CNTNAP3: variants seen among roughly 807,000 people sequenced by gnomAD.
The protein encoded by CNTNAP3 is contactin-associated protein-like 3.
In CNTNAP3, 36 loss-of-function variants were observed where a neutral mutation model predicts 92.1. The ratio of observed to expected loss-of-function variants is 0.39; its 90% CI spans 0.30 to 0.52. CNTNAP3 has a LOEUF of 0.52. Ranked by LOEUF, CNTNAP3 falls within the 20% of genes least tolerant of loss-of-function variation. CNTNAP3 has a pLI of 0.76. For missense variants in CNTNAP3, 534 were observed against 1,069.6 expected (o/e 0.50, Z 6.98); for synonymous variants, 232 against 422.3 (o/e 0.55, Z 5.53).
chr9:39,118,283 T>C lies in CNTNAP3; in HGVS notation c.2081-24A>G, dbSNP rs748933317. On this transcript the variant is annotated intron_variant, in intron 13 of 23. Transcript: ENST00000297668. ...ATCTGAAAGACAAGTATAAGAAACA[T>C]GACATCTACTTTGTCCCTCACTACC... 3.7e-6 allele frequency: 6 copies of C among 1,612,942 alleles called. No homozygotes were observed. In the South Asian group the frequency reaches 5.5e-5, roughly 15 times the overall value.
chr9:39,086,700 G>T lies in CNTNAP3; in HGVS notation c.3354+16C>A. On this transcript the variant is annotated intron_variant, in intron 20 of 23. Coordinates refer to ENST00000297668, the MANE Select transcript of CNTNAP3 (RefSeq NM_033655.5). Reference sequence around the variant, plus strand: ...AATAATATTAGTTAGTTTGACTTTTGCATTTGTGGGATTACCTCTACCATG... The same window carrying T: ...AATAATATTAGTTAGTTTGACTTTTTCATTTGTGGGATTACCTCTACCATG... The T allele has an allele frequency of 6.2e-7, 1 of 1,607,308 alleles. No homozygotes were observed. The highest frequency in any genetic ancestry group is 1.1e-5 in the South Asian group (1 of 89,908).
Position 39,133,009 on chromosome 9 carries a change from G to A in CNTNAP3, c.2003C>T (p.Ser668Phe). Residue 668 changes from serine to phenylalanine, a missense_variant, in exon 13 of 24, where the codon TCC (serine) becomes TTC (phenylalanine). Ser to Phe is a radical substitution (Grantham distance 155, BLOSUM62 -2). Transcript: ENST00000297668. ...AYAAGAGQLRSAVNLAERCEQ... is the reference protein window; with the variant it reads ...AYAAGAGQLRFAVNLAERCEQ... ...GCAGCGCTCCGCCAGGTTCACCGCG[G>A]ACCGCAGCTGCCCCGCGCCCGCTGC... 6.5e-7 allele frequency: 1 copy of A among 1,539,586 alleles called. No individual in the cohort carries two copies.
chr9:39,100,728 T>C (rs1031989268), intron 17 of CNTNAP3, among the ~76,000 whole-genome samples: 1 of 151,992 alleles, frequency 6.6e-6, no homozygotes, highest in Non-Finnish European at 1.5e-5. Flanking sequence ...GAGGGTACAG[T>C]GCTAAACAGT....
intron 18 of CNTNAP3, among the ~76,000 whole-genome samples, chr9:39,097,970 C>T (rs1376219164): frequency 6.7e-6 from 1 of 150,082 alleles, no homozygotes; most frequent in African/African-American, 2.5e-5. Context: ...TGCCAGAGTA[C>T]CAGGTTTTTT....
intron 21 of CNTNAP3, among the ~76,000 whole-genome samples, chr9:39,081,853 C>T (rs145379877): frequency 0.21 from 30,613 of 145,440 alleles, 3,444 homozygotes; most frequent in East Asian, 0.34. Flanking sequence ...CCGAGGTGGG[C>T]GGATGATGAG....
intron 9 of CNTNAP3, chr9:39,154,213 C>G (rs1821903514): frequency 4.3e-6 from 1 of 232,410 alleles, no homozygotes; most frequent in Non-Finnish European, 8.4e-6. Flanking sequence ...AAGTTAGAAA[C>G]AGTGCAGCTC....
At chr9:39,117,470 A>G (rs909980140) in intron 14 of CNTNAP3, among the ~76,000 whole-genome samples, 2 of 152,210 alleles carry the variant, frequency 1.3e-5, no homozygotes, top group African/African-American at 4.8e-5. Context: ...AGGCATTGCA[A>G]TCTACATGAG....
chr9:39,124,853 AAAC>A (rs1821119380), intron 13 of CNTNAP3, among the ~76,000 whole-genome samples: 1 of 152,160 alleles, frequency 6.6e-6, no homozygotes, highest in South Asian at 2.1e-4. Flanking sequence ...AAAAGTCAGG[AAAC>A]AACAGGTGCA....
rs1174219231 is a variant in CNTNAP3, at chr9:39,086,842, C to T, written c.3228G>A (p.Leu1076=). Residue 1076 remains leucine (L), a synonymous_variant, in exon 20 of 24, where the codon TTG becomes TTA. Transcript: ENST00000297668. ...LSVILANNGS[L]QIRYKLDRHQ... The stretch of plus-strand genomic sequence containing the variant: ...GTCTATCTAGCTTGTACCTAATCTG[C>T]AAACTTCCTAAAAAGAAAAATAAAT... 4 of 1,600,744 alleles carry T rather than the reference C, an allele frequency of 2.5e-6. No individual in the cohort carries two copies. Among genetic ancestry groups the T allele is most frequent in the Middle Eastern group, 2.3e-4 (1 of 4,412 alleles).
intron 15 of CNTNAP3, among the ~76,000 whole-genome samples, chr9:39,104,249 C>G (rs542549560): frequency 6.6e-6 from 1 of 151,922 alleles, no homozygotes; most frequent in Non-Finnish European, 1.5e-5. Flanking sequence ...CTGAAGAACT[C>G]GGTAAGATGT....
rs1825595593 is a variant in CNTNAP3, at chr9:39,069,639, T to A, written c.*4251A>T. Among the ~76,000 whole-genome samples, 2 of 152,300 alleles carry A rather than the reference T, an allele frequency of 1.3e-5. No individual in the cohort carries two copies. Among genetic ancestry groups the A allele is most frequent in the African/African-American group, 4.8e-5 (2 of 41,476 alleles). ...CCACAGGAAGTAGTGCTTCAGTACA[T>A]TTTCCCGACGATATGATTAATCCAT... is the stretch of plus-strand genomic sequence containing the variant. On this transcript the variant is annotated 3_prime_UTR_variant, in exon 24 of 24. Transcript: ENST00000297668.
chr9:39,130,901 T>A (rs1821272550), intron 13 of CNTNAP3, among the ~76,000 whole-genome samples: 1 of 151,828 alleles, frequency 6.6e-6, no homozygotes, highest in South Asian at 2.1e-4. Context: ...CTACAAGATG[T>A]CACCTTGGGG....
At chr9:39,107,881 T>C (rs1254786243) in intron 15 of CNTNAP3, among the ~76,000 whole-genome samples, 2 of 152,264 alleles carry the variant, frequency 1.3e-5, no homozygotes, top group East Asian at 1.9e-4. Context: ...GCATATTTCA[T>C]TTTAGAAAAA....
intron 16 of CNTNAP3, 47 bp downstream of exon 16, chr9:39,103,697 T>G: frequency 6.4e-7 from 1 of 1,558,024 alleles, no homozygotes; most frequent in Non-Finnish European, 8.7e-7. Context: ...AAGCTTTTAT[T>G]GCTAAATAAT....
chr9:39,159,610 G>T (rs1381528408), intron 9 of CNTNAP3: 3 of 140,416 alleles, frequency 2.1e-5, no homozygotes, highest in Admixed American at 1.4e-4. Flanking sequence ...GGGATTACAG[G>T]CGTGGGCCAC....
At chr9:39,112,453 C>A (rs534610855) in intron 14 of CNTNAP3, among the ~76,000 whole-genome samples, 1 of 152,044 alleles carries the variant, frequency 6.6e-6, no homozygotes, top group Non-Finnish European at 1.5e-5. Flanking sequence ...GCAACCTCCA[C>A]CCCCAGGATT....
intron 17 of CNTNAP3, 59 bp from the exon 18 acceptor site, chr9:39,100,209 T>C (rs1826423957): frequency 7.8e-7 from 1 of 1,283,766 alleles, no homozygotes; most frequent in Non-Finnish European, 1.1e-6. Context: ...CAGGATTTTA[T>C]GTCCATGTCA....
chr9:39,142,629 GC>G (rs1821603970), intron 11 of CNTNAP3, among the ~76,000 whole-genome samples: 1 of 150,234 alleles, frequency 6.7e-6, no homozygotes, highest in Admixed American at 6.7e-5. Flanking sequence ...CTGAGATCAT[GC>G]CACTGGGCTC....
At position 39,148,429 on chromosome 9, in the gene CNTNAP3, G is replaced by T. The variant is rs545142023; in HGVS notation, c.1649+1377C>A. Among the ~76,000 whole-genome samples, 209 of 152,066 alleles carry T rather than the reference G, an allele frequency of 1.4e-3. 2 individuals are homozygous for T. The highest frequency in any genetic ancestry group is 1.8e-3 in the Non-Finnish European group (125 of 67,984). ...AAATTAAAACCTGTTTAGCCAGAGA[G>T]GATAATTTTACAGTTAATGTTTAAA... is the stretch of plus-strand genomic sequence containing the variant. On this transcript the variant is annotated intron_variant, in intron 10 of 23. Transcript: ENST00000297668.
Sources: gnomAD v4.1 joint callset for allele counts (sites outside exome capture counted in the v4.1 genomes callset) on GRCh38, gnomAD v4.1.1 for gene constraint, MANE v1.5 for transcripts, NCBI Gene and HGNC (gene_info 2026-07-23, HGNC 2026-07-21) for gene names.